Variants in TACC1 observed in about 807,000 individuals in gnomAD.
TACC1 encodes transforming acidic coiled-coil-containing protein 1.
Under a neutral mutation model 84.4 loss-of-function variants are expected in TACC1, and 48 were observed. The ratio of observed to expected loss-of-function variants is 0.57; its 90% CI spans 0.45 to 0.72. TACC1 has a LOEUF of 0.72. TACC1 is among the 30% of genes least tolerant of loss of function. The probability of loss-of-function intolerance (pLI) is 0.00; values close to 1 mark genes in which losing one functional copy is unlikely to be tolerated. For missense variants in TACC1, 920 were observed against 973.0 expected (o/e 0.95, Z 0.72); for synonymous variants, 372 against 376.3 (o/e 0.99, Z 0.13).
At chr8:38,779,654 C>G (rs1815539777) in intron 3 of TACC1, among the ~76,000 whole-genome samples, 1 of 152,176 alleles carries the variant, frequency 6.6e-6, no homozygotes, top group African/African-American at 2.4e-5. Flanking sequence ...TGGAGTGGGG[C>G]TTGACTGTAT....
Position 38,787,691 on chromosome 8 carries a change from G to A in TACC1, c.109G>A (p.Gly37Ser). The change falls in exon 1 of 13, where the codon GGC becomes AGC. Residue 37 changes from glycine (G) to serine (S), a missense_variant. Transcript: ENST00000317827. ...CGAGGACGAGGCTGGCGGGCCCGAG[G>A]GCGACCCCGAGGAGGAGGATTCGCA... ...AGEDEAGGPE[G>S]DPEEEDSQAE... is the part of the protein sequence containing the mutation. 2 of 1,540,954 alleles carry A rather than the reference G, an allele frequency of 1.3e-6. No individual in the cohort carries two copies. Among genetic ancestry groups the A allele is most frequent in the Non-Finnish European group, 1.7e-6 (2 of 1,149,002 alleles).
At chr8:38,840,511 A>C in intron 9 of TACC1, 1 of 323,590 alleles carries the variant, frequency 3.1e-6, no homozygotes, top group Non-Finnish European at 5.7e-6. Flanking sequence ...TGACATAATC[A>C]CCTCCCAAAT....
chr8:38,781,144 C>T (rs1177087998), intron 3 of TACC1, among the ~76,000 whole-genome samples: 1 of 152,130 alleles, frequency 6.6e-6, no homozygotes, highest in Non-Finnish European at 1.5e-5. Context: ...CAACCACCAT[C>T]CCAATCTGTT....
chr8:38,742,445 A>G, exon 2 of TACC1: 1 of 1,529,750 alleles, frequency 6.5e-7, no homozygotes, highest in South Asian at 1.2e-5. Context: ...AAGACAAACC[A>G]TCAAAGGTAA....
At chr8:38,840,343 A>G (rs1434074732) in intron 9 of TACC1, 76 bp downstream of exon 9, 2 of 1,327,918 alleles carry the variant, frequency 1.5e-6, no homozygotes, top group Admixed American at 3.7e-5. Context: ...GTATAACAAA[A>G]TATGTAAGCT....
Position 38,819,999 on chromosome 8 carries a change from C to T in TACC1, c.755C>T (p.Ala252Val). Residue 252 changes from alanine (A) to valine (V), a missense_variant, in exon 3 of 13, where the codon GCT (alanine) becomes GTT (valine). Physicochemically the swap from Ala to Val is moderately conservative, Grantham distance 64 (BLOSUM62 0). Around this residue, in one of 2 missense-constraint regions of TACC1, gnomAD observed 762 missense variants for 747.3 expected, o/e 1.02. Transcript: ENST00000317827. ...GGAGGAGAGTTCTCAGACACCAACGCTGCTGTGGAGGGCACACCTCTCCCC... is the reference window on the plus strand; with the variant it reads ...GGAGGAGAGTTCTCAGACACCAACGTTGCTGTGGAGGGCACACCTCTCCCC... ...AIGGEFSDTNAAVEGTPLPKA... is the reference protein window; with the variant it reads ...AIGGEFSDTNVAVEGTPLPKA... 6.2e-7 allele frequency: 1 copy of T among 1,614,034 alleles called. No homozygotes were observed. Among genetic ancestry groups the T allele is most frequent in the Non-Finnish European group, 8.5e-7 (1 of 1,180,040 alleles).
intron 2 of TACC1, among the ~76,000 whole-genome samples, chr8:38,809,668 G>A (rs1358542114): frequency 6.6e-6 from 1 of 152,128 alleles, no homozygotes; most frequent in East Asian, 1.9e-4. Flanking sequence ...GGCAAAAGGT[G>A]ATTCTCATAG....
Position 38,839,181 on chromosome 8 carries a change from G to A in TACC1, c.1916+635G>A, listed in dbSNP as rs150381448. 1,090 of 350,120 alleles carry A rather than the reference G, an allele frequency of 3.1e-3. 11 individuals carry two copies. The East Asian group carries it at 0.031, about 10-fold the overall frequency. The allele number at this position is 350,120 out of a possible 1,614,324, so 21.7% of individuals were successfully genotyped here. ...TGGGATTGCAGGCATGAGCCACAGC[G>A]CCTGGTCCATAATACTTTTTAAAAA... On this transcript the variant is annotated intron_variant, in intron 8 of 12. Transcript: ENST00000317827.
intron 1 of TACC1, among the ~76,000 whole-genome samples, chr8:38,739,287 C>G (rs1314017513): frequency 6.6e-6 from 1 of 152,202 alleles, no homozygotes; most frequent in South Asian, 2.1e-4. Flanking sequence ...TGTAGACCTC[C>G]CCTTGCTTAC....
At chr8:38,788,170 T>G (rs1817753956) in intron 1 of TACC1, 1 of 180,596 alleles carries the variant, frequency 5.5e-6, no homozygotes, top group South Asian at 1.3e-4. Flanking sequence ...GTGAAGAAGG[T>G]CGCGTGATGA....
chr8:38,795,502 A>G (rs1016341881), intron 2 of TACC1, among the ~76,000 whole-genome samples: 1 of 152,232 alleles, frequency 6.6e-6, no homozygotes, highest in African/African-American at 2.4e-5. Flanking sequence ...TATTGCTGCC[A>G]TGTAATGTCC....
In TACC1 at chr8:38,842,348, G is replaced by A; in HGVS notation, c.2022G>A (p.Lys674=). 6.2e-7 allele frequency: 1 copy of A among 1,614,218 alleles called. No homozygotes were observed. The highest frequency in any genetic ancestry group is 1.1e-5 in the South Asian group (1 of 91,084). ...GCTTCCAGCAACTGACCATGGAGAA[G>A]GAACAGGCCCTGGCTGACCTTAACT... ...QKSFQQLTME[K]EQALADLNSV... Residue 674 remains lysine, a synonymous_variant, in exon 10 of 13, where the codon AAG becomes AAA. Transcript: ENST00000317827.
At chr8:38,799,645 G>T (rs562507498) in intron 2 of TACC1, 1 of 152,184 alleles carries the variant, frequency 6.6e-6, no homozygotes, top group Non-Finnish European at 1.5e-5. Context: ...AAGCCTTTTG[G>T]GCTTGACAAT....
At chr8:38,802,401 C>G (rs1821604851) in intron 2 of TACC1, 1 of 152,210 alleles carries the variant, frequency 6.6e-6, no homozygotes, top group Non-Finnish European at 1.5e-5. Flanking sequence ...AGTGCGAACC[C>G]TGTTGTGAAA....
chr8:38,822,810 G>A (rs115502326), intron 3 of TACC1, among the ~76,000 whole-genome samples: 4,542 of 152,200 alleles, frequency 0.03, 217 homozygotes, highest in African/African-American at 0.1. Context: ...ACTCAGGATC[G>A]TCAGGACATC....
intron 3 of TACC1, among the ~76,000 whole-genome samples, chr8:38,756,691 G>A (rs1810104531): frequency 6.6e-6 from 1 of 152,244 alleles, no homozygotes; most frequent in Non-Finnish European, 1.5e-5. Flanking sequence ...AAGACTCAGA[G>A]AGGGTGAAAT....
intron 3 of TACC1, among the ~76,000 whole-genome samples, chr8:38,756,910 C>T (rs1810154352): frequency 6.6e-6 from 1 of 152,234 alleles, no homozygotes; most frequent in East Asian, 1.9e-4. Flanking sequence ...GGCCTCTTCC[C>T]GCGGCTTCCC....
In TACC1 at chr8:38,769,644, GGT is replaced by G. The variant is rs1210836715; in HGVS notation, c.27-19048_27-19047del. On this transcript the variant is annotated intron_variant, in intron 3 of 14. Transcript: ENST00000518415. ...GAATGTGGTGTGTGTGACTACGTGG[GGT>G]GTGTGTGTGTGAGAGAGAGACTGGG... Among the ~76,000 whole-genome samples the G allele has an allele frequency of 3.5e-5, 5 of 142,212 alleles. No homozygotes were observed. In the South Asian group the frequency reaches 7.0e-4, roughly 20 times the overall value. 93.3% of individuals were successfully genotyped at this position (142,212 alleles called of 152,430 possible).
intron 3 of TACC1, among the ~76,000 whole-genome samples, chr8:38,822,961 A>C (rs1486147674): frequency 1.3e-5 from 2 of 152,234 alleles, no homozygotes; most frequent in African/African-American, 4.8e-5. Context: ...AAGTTTGAGT[A>C]AAATGTAGAT....
Sources: gnomAD v4.1 joint callset for allele counts (sites outside exome capture counted in the v4.1 genomes callset) on GRCh38, gnomAD v4.1.1 for gene constraint, gnomAD v4.1.1 regional missense constraint, MANE v1.5 for transcripts, NCBI Gene and HGNC (gene_info 2026-07-23, HGNC 2026-07-21) for gene names.